ROBO2: variants seen among roughly 807,000 people sequenced by gnomAD.
ROBO2 encodes the protein roundabout homolog 2.
ROBO2 carries 53 observed loss-of-function variants against 160.8 expected under a neutral mutation model. The ratio of observed to expected loss-of-function variants is 0.33; its 90% CI spans 0.26 to 0.41. The LOEUF (loss-of-function observed/expected upper bound fraction) is 0.41, where lower values mean the gene tolerates loss of function less well. Among genes scored for constraint, ROBO2 ranks in the 10% least tolerant of loss-of-function variants. The pLI is 1.00. For synonymous variants in ROBO2, 664 were observed against 611.7 expected (o/e 1.09, Z -1.26); for missense variants, 1,577 against 1,722.4 (o/e 0.92, Z 1.49).
Position 76,043,656 on chromosome 3 carries a change from AAAACC to A in ROBO2, c.109+106063_109+106067del, listed in dbSNP as rs1247713586. On this transcript the variant is annotated intron_variant, in intron 2 of 26. Transcript: ENST00000487694. ...AAAAAAAAAAAAAAAACCACACCAA[AAAACC>A]AAACCAAAACAAACCAAAACAAAAA... Among the ~76,000 whole-genome samples the A allele has an allele frequency of 4.0e-5, 6 of 150,384 alleles. No individual in the cohort carries two copies. In the East Asian group the frequency reaches 9.7e-4, roughly 24 times the overall value.
intron 2 of ROBO2, among the ~76,000 whole-genome samples, chr3:76,545,866 T>C (rs937665900): frequency 6.6e-6 from 1 of 151,992 alleles, no homozygotes; most frequent in South Asian, 2.1e-4. Flanking sequence ...TTTTCCAGCT[T>C]AAATATTTTA....
intron 2 of ROBO2, among the ~76,000 whole-genome samples, chr3:77,449,028 A>G (rs1438524232): frequency 6.6e-6 from 1 of 152,166 alleles, no homozygotes; most frequent in East Asian, 1.9e-4. Context: ...TAAGTTTTGT[A>G]GAACTACTTT....
At chr3:76,064,281 G>A (rs1003673061) in intron 2 of ROBO2, among the ~76,000 whole-genome samples, 1 of 152,170 alleles carries the variant, frequency 6.6e-6, no homozygotes, top group African/African-American at 2.4e-5. Flanking sequence ...ATGCAGCAGG[G>A]GGAAACTGAC....
chr3:76,179,847 G>C (rs2107088830), intron 2 of ROBO2, among the ~76,000 whole-genome samples: 1 of 152,202 alleles, frequency 6.6e-6, no homozygotes, highest in African/African-American at 2.4e-5. Context: ...TGGTAACAGT[G>C]ATAACACTTT....
chr3:76,403,532 A>G (rs982751728), intron 2 of ROBO2, among the ~76,000 whole-genome samples: 3 of 151,548 alleles, frequency 2.0e-5, no homozygotes, highest in African/African-American at 4.8e-5. Flanking sequence ...CCAAAATGCT[A>G]TATTGAAATG....
chr3:76,710,682 G>A (rs2093275082), intron 2 of ROBO2, among the ~76,000 whole-genome samples: 1 of 152,098 alleles, frequency 6.6e-6, no homozygotes, highest in Non-Finnish European at 1.5e-5. Flanking sequence ...AAAGAAAGGT[G>A]GATAGAGAAT....
At chr3:77,403,805 C>G (rs2076033259) in intron 2 of ROBO2, among the ~76,000 whole-genome samples, 1 of 151,718 alleles carries the variant, frequency 6.6e-6, no homozygotes, top group African/African-American at 2.4e-5. Context: ...TTCTATGTAC[C>G]AAACATTTCA....
intron 2 of ROBO2, among the ~76,000 whole-genome samples, chr3:76,948,876 A>T (rs11127572): frequency 0.18 from 6,911 of 39,464 alleles, 193 homozygotes; most frequent in East Asian, 0.19. Context: ...GGCTAATTTT[A>T]TATATATATA....
At chr3:75,932,920 T>A (rs1947607050) in intron 1 of ROBO2, among the ~76,000 whole-genome samples, 2 of 152,172 alleles carry the variant, frequency 1.3e-5, no homozygotes, top group South Asian at 4.1e-4. Context: ...TAAATAATTT[T>A]AAATACATGC....
chr3:76,070,330 T>A (rs1349729868), intron 2 of ROBO2, among the ~76,000 whole-genome samples: 2 of 152,152 alleles, frequency 1.3e-5, no homozygotes, highest in Non-Finnish European at 2.9e-5. Flanking sequence ...GTCTCTGAAC[T>A]GGCCCCGCTG....
At chr3:77,160,927 T>A (rs1219253195) in intron 2 of ROBO2, among the ~76,000 whole-genome samples, 7 of 152,232 alleles carry the variant, frequency 4.6e-5, no homozygotes, top group Non-Finnish European at 1.0e-4. Flanking sequence ...AAGAATAACT[T>A]ATTACTATGA....
intron 2 of ROBO2, among the ~76,000 whole-genome samples, chr3:77,120,626 T>A (rs187021832): frequency 6.6e-6 from 1 of 152,226 alleles, no homozygotes; most frequent in Admixed American, 6.5e-5. Flanking sequence ...TTGGCATAGC[T>A]GGAATTACAG....
chr3:76,458,388 A>G (rs1404091255), intron 2 of ROBO2, among the ~76,000 whole-genome samples: 1 of 152,064 alleles, frequency 6.6e-6, no homozygotes, highest in Admixed American at 6.6e-5. Flanking sequence ...CAAGTTCCTC[A>G]TCTCCATATG....
chr3:77,325,878 G>T (rs1280287281), intron 2 of ROBO2, among the ~76,000 whole-genome samples: 2 of 152,154 alleles, frequency 1.3e-5, no homozygotes, highest in African/African-American at 2.4e-5. Flanking sequence ...AGATGGAAAA[G>T]CTGGGACGCA....
rs188421326 is a variant in ROBO2, at chr3:76,396,216, A to G, written c.109+458614A>G. 3.3e-5 allele frequency among the ~76,000 whole-genome samples: 5 copies of G among 152,322 alleles called. No individual in the cohort carries two copies. In the East Asian group the frequency reaches 7.7e-4, roughly 24 times the overall value. On this transcript the variant is annotated intron_variant, in intron 2 of 26. Coordinates refer to the ROBO2 transcript ENST00000487694. ...CCAGCATATAAACAGAACCAAAGAC[A>G]AAAACCACATGATTATCTCAACAGA...
At chr3:76,985,168 CTT>C (rs2060303359) in intron 2 of ROBO2, among the ~76,000 whole-genome samples, 2 of 151,958 alleles carry the variant, frequency 1.3e-5, no homozygotes, top group African/African-American at 4.8e-5. Context: ...ATAATTTTAA[CTT>C]GTAATTAATA....
intron 2 of ROBO2, among the ~76,000 whole-genome samples, chr3:76,154,452 C>T (rs1341059126): frequency 6.6e-6 from 1 of 151,996 alleles, no homozygotes; most frequent in Non-Finnish European, 1.5e-5. Flanking sequence ...ACAGACTAAT[C>T]AAATACCAAA....
intron 2 of ROBO2, among the ~76,000 whole-genome samples, chr3:76,234,582 G>T (rs1704823497): frequency 6.6e-6 from 1 of 152,082 alleles, no homozygotes; most frequent in Non-Finnish European, 1.5e-5. Context: ...CATTCTGACT[G>T]GTTTGAGATG....
At chr3:76,102,685 G>A (rs1482654017) in intron 2 of ROBO2, among the ~76,000 whole-genome samples, 1 of 152,144 alleles carries the variant, frequency 6.6e-6, no homozygotes, top group Non-Finnish European at 1.5e-5. Context: ...TTTGGTAGAA[G>A]GGATGAGAGA....
Sources: gnomAD v4.1 joint callset for allele counts (sites outside exome capture counted in the v4.1 genomes callset) on GRCh38, gnomAD v4.1.1 for gene constraint, MANE v1.5 for transcripts, NCBI Gene and HGNC (gene_info 2026-07-23, HGNC 2026-07-21) for gene names.